Variants in SCML4 observed in about 807,000 individuals in gnomAD.
SCML4 encodes the protein Scm polycomb group protein like 4.
A neutral mutation model predicts 41.1 loss-of-function variants in SCML4; 34 were observed. The observed-to-expected ratio is 0.83, with a 90% confidence interval of 0.63 to 1.10. The LOEUF (loss-of-function observed/expected upper bound fraction) is 1.10. Among genes scored for constraint, SCML4 ranks in the 50% least tolerant of loss-of-function variants. The pLI is 0.00. For synonymous variants in SCML4, 214 were observed against 220.9 expected (o/e 0.97, Z 0.28); for missense variants, 522 against 534.1 (o/e 0.98, Z 0.22).
chr6:107,714,578 G>C (rs186142345), intron 6 of SCML4, among the ~76,000 whole-genome samples: 411 of 152,280 alleles, frequency 2.7e-3, no homozygotes, highest in Middle Eastern at 0.014. Context: ...CAGAGAACAG[G>C]GCCGGTGTCC....
chr6:107,768,156 C>T (rs1297223659), intron 2 of SCML4, among the ~76,000 whole-genome samples: 1 of 151,770 alleles, frequency 6.6e-6, no homozygotes, highest in African/African-American at 2.4e-5. Flanking sequence ...ATCTGTATTC[C>T]CCACAACTCA....
At chr6:107,746,021 T>TAAAG (rs1313782704) in intron 4 of SCML4, 1 of 151,112 alleles carries the variant, frequency 6.6e-6, no homozygotes, top group Admixed American at 6.6e-5. Context: ...AATAAATAAA[T>TAAAG]AAATAAAAGA....
intron 6 of SCML4, among the ~76,000 whole-genome samples, chr6:107,717,127 G>A (rs62430575): frequency 0.57 from 71,256 of 125,074 alleles, 21,001 homozygotes; most frequent in Middle Eastern, 0.75. Context: ...GTGAAACCCC[G>A]TCTCTACTAA....
the SCML4 span, among the ~76,000 whole-genome samples, chr6:107,845,210 C>T: frequency 2.2e-4 from 33 of 151,978 alleles, no homozygotes; most frequent in African/African-American, 6.8e-4. Flanking sequence ...CACTCCAGCC[C>T]GGGCGACAGA....
chr6:107,778,223 ATATATATATATATAT>A (rs1211536839), intron 1 of SCML4, among the ~76,000 whole-genome samples: 71 of 3,110 alleles, frequency 0.023, 2 homozygotes, highest in African/African-American at 0.032. Context: ...AAAAAAAAAA[ATATATATATATATAT>A]ATATATATAT....
chr6:107,705,426 T>C, intron 7 of SCML4, 101 bp from the exon 8 acceptor site: 1 of 1,085,902 alleles, frequency 9.2e-7, no homozygotes, highest in Non-Finnish European at 1.3e-6. Flanking sequence ...GCTCAGGGCA[T>C]ATGGATTGAT....
chr6:107,759,541 T>C (rs1779410574), intron 2 of SCML4, among the ~76,000 whole-genome samples: 1 of 152,150 alleles, frequency 6.6e-6, no homozygotes, highest in African/African-American at 2.4e-5. Context: ...GGAACTGAAG[T>C]GACGGGTGAG....
At chr6:107,803,098 T>A (rs868460018) in intron 1 of SCML4, among the ~76,000 whole-genome samples, 16 of 151,612 alleles carry the variant, frequency 1.1e-4, no homozygotes, top group South Asian at 2.1e-4. Flanking sequence ...TCGCTACAAC[T>A]TCCACCTCCC....
upstream of SCML4, among the ~76,000 whole-genome samples, chr6:107,825,788 T>C (rs1305153676): frequency 6.6e-6 from 1 of 151,282 alleles, no homozygotes; most frequent in African/African-American, 2.4e-5. Context: ...ATACAAAAAA[T>C]TAGCTGGGCG....
chr6:107,774,683 A>G (rs577178827), intron 1 of SCML4, among the ~76,000 whole-genome samples: 1 of 152,162 alleles, frequency 6.6e-6, no homozygotes, highest in South Asian at 2.1e-4. Context: ...TGAGGAGTAA[A>G]GACAACCTAT....
At chr6:107,734,958 C>G (rs551732693) in intron 5 of SCML4, among the ~76,000 whole-genome samples, 2 of 152,272 alleles carry the variant, frequency 1.3e-5, no homozygotes, top group East Asian at 3.9e-4. Flanking sequence ...TCACAGCAAC[C>G]TCCACCTCCT....
intron 1 of SCML4, among the ~76,000 whole-genome samples, chr6:107,792,972 G>T (rs1266518683): frequency 6.6e-6 from 1 of 152,142 alleles, no homozygotes; most frequent in Non-Finnish European, 1.5e-5. Flanking sequence ...GCTTCTGGGG[G>T]TAAGAACTAA....
chr6:107,837,406 TC>T, the SCML4 span, among the ~76,000 whole-genome samples: 1 of 152,176 alleles, frequency 6.6e-6, no homozygotes, highest in Non-Finnish European at 1.5e-5. Flanking sequence ...GGCATTATGG[TC>T]CCTGACCCCA....
chr6:107,707,905 T>C lies in SCML4; in HGVS notation c.1080A>G (p.Pro360=), dbSNP rs3734754. Residue 360 remains proline, a synonymous_variant, in exon 7 of 8, where the codon CCA becomes CCG. Coordinates refer to ENST00000369020, the MANE Select transcript of SCML4 (RefSeq NM_198081.5). ...DVVWFVKDAD[P]QALGPHVELF... ...GCTCCACGTGAGGCCCCAGAGCCTG[T>C]GGGTCGGCGTCCTTCACAAACCACA... The C allele has an allele frequency of 0.19, 294,485 of 1,551,390 alleles. 29,440 individuals are homozygous for C. The highest frequency in any genetic ancestry group is 0.36 in the East Asian group (14,632 of 40,894).
chr6:107,841,218 AGGAGGCTG>A, the SCML4 span, among the ~76,000 whole-genome samples: 1 of 152,212 alleles, frequency 6.6e-6, no homozygotes, highest in East Asian at 1.9e-4. Context: ...CTGGCTGCTC[AGGAGGCTG>A]AGGTGGGAGG....
chr6:107,769,198 C>A (rs1052681645), intron 2 of SCML4, among the ~76,000 whole-genome samples: 2 of 152,200 alleles, frequency 1.3e-5, no homozygotes, highest in Non-Finnish European at 2.9e-5. Flanking sequence ...GCAGTAGCAC[C>A]ATAAAATGTG....
intron 1 of SCML4, among the ~76,000 whole-genome samples, chr6:107,782,405 G>A (rs918786520): frequency 7.2e-5 from 11 of 152,190 alleles, no homozygotes; most frequent in East Asian, 3.9e-4. Context: ...GGAGGGATCC[G>A]GTCCCGGGGG....
the SCML4 span, among the ~76,000 whole-genome samples, chr6:107,843,479 A>T: frequency 6.6e-6 from 1 of 152,176 alleles, no homozygotes; most frequent in Non-Finnish European, 1.5e-5. Flanking sequence ...ACTTTCAGTA[A>T]AGTACCCTTT....
chr6:107,772,026 G>A (rs1425900587), intron 2 of SCML4, 146 bp downstream of exon 2: 16 of 654,486 alleles, frequency 2.4e-5, no homozygotes, highest in East Asian at 2.9e-5. Flanking sequence ...GACCTCATCC[G>A]TCACATACTT....
Sources: allele counts gnomAD v4.1 joint callset (sites outside exome capture counted in the v4.1 genomes callset), GRCh38; gene constraint gnomAD v4.1.1; transcripts MANE v1.5; gene names NCBI Gene and HGNC (gene_info 2026-07-23, HGNC 2026-07-21).